Variants in UQCRFS1 observed in about 807,000 individuals in gnomAD.
UQCRFS1 encodes the protein cytochrome b-c1 complex subunit Rieske, mitochondrial.
UQCRFS1 carries 6 observed loss-of-function variants against 15.6 expected under a neutral mutation model. The ratio of observed to expected loss-of-function variants is 0.38; its 90% CI spans 0.21 to 0.76. UQCRFS1 has a LOEUF of 0.76. Among genes scored for constraint, UQCRFS1 ranks in the 30% least tolerant of loss-of-function variants. UQCRFS1 has a pLI of 0.44. For synonymous variants in UQCRFS1, 105 were observed against 154.3 expected (o/e 0.68, Z 2.37); for missense variants, 203 against 366.7 (o/e 0.55, Z 3.65).
intron 1 of UQCRFS1, 58 bp from the exon 2 acceptor site, chr19:29,208,216 T>C (rs1976612437): frequency 6.6e-7 from 1 of 1,523,996 alleles, no homozygotes. Context: ...GAAGGGAGTA[T>C]ATATCAGGAA....
In UQCRFS1 at chr19:29,207,271, T is replaced by C; in HGVS notation, c.*277A>G. ...TCAGTTACAGATTTCACAAGTATCT[T>C]GTACACCAGTCTGTAATTTTTAATT... On this transcript the variant is annotated 3_prime_UTR_variant, in exon 2 of 2. Transcript: ENST00000304863. 6.3e-6 allele frequency: 2 copies of C among 317,760 alleles called. No individual in the cohort carries two copies. The highest frequency in any genetic ancestry group is 1.2e-5 in the Non-Finnish European group (2 of 173,594). 19.7% of individuals were successfully genotyped at this position (317,760 alleles called of 1,614,324 possible). A position where few individuals can be genotyped will look rare whatever the true frequency, so the allele number is the denominator to read the frequency against.
chr19:29,207,342 A>G lies in UQCRFS1; in HGVS notation c.*206T>C, dbSNP rs1158672240. ...GTACCTTTCGCGTGTATGACTGAGC[A>G]TAACAGTGCTTAACAGTGTCTTTAT... On this transcript the variant is annotated 3_prime_UTR_variant, in exon 2 of 2. Transcript: ENST00000304863. 6.1e-6 allele frequency: 4 copies of G among 652,450 alleles called. No homozygotes were observed. The highest frequency in any genetic ancestry group is 1.0e-5 in the Non-Finnish European group (4 of 400,186). The allele number at this position is 652,450 out of a possible 1,614,324, so 40.4% of individuals were successfully genotyped here. A position where few individuals can be genotyped will look rare whatever the true frequency, so the allele number is the denominator to read the frequency against.
rs528931689 is a variant in UQCRFS1, at chr19:29,207,051, A to C, written c.*497T>G. 1 of 156,176 alleles carries C rather than the reference A, an allele frequency of 6.4e-6. No individual in the cohort carries two copies. Among genetic ancestry groups the C allele is most frequent in the East Asian group, 1.9e-4 (1 of 5,252 alleles). 9.7% of individuals were successfully genotyped at this position (156,176 alleles called of 1,614,324 possible). A position where few individuals can be genotyped will look rare whatever the true frequency, so the allele number is the denominator to read the frequency against. On this transcript the variant is annotated 3_prime_UTR_variant, in exon 2 of 2. Coordinates refer to ENST00000304863, the MANE Select transcript of UQCRFS1 (RefSeq NM_006003.3). ...TAGTGTTGAGATTATCACACGGCTT[A>C]CACAGTAGGGAGGAAATGCATAGCC... is the stretch of plus-strand genomic sequence containing the variant.
chr19:29,206,354 G>T lies in UQCRFS1; in HGVS notation c.*1194C>A, dbSNP rs1328099063. On this transcript the variant is annotated 3_prime_UTR_variant, in exon 2 of 2. Coordinates refer to ENST00000304863, the MANE Select transcript of UQCRFS1 (RefSeq NM_006003.3). ...AACATCAAAGGCTGGAATCCTGGAT[G>T]GTCAGTTCCCTTTGGGCAGACCCAA... The T allele has an allele frequency of 6.6e-6, 1 of 152,124 alleles. No homozygotes were observed. The highest frequency in any genetic ancestry group is 1.5e-5 in the Non-Finnish European group (1 of 68,034). 9.4% of individuals were successfully genotyped at this position (152,124 alleles called of 1,614,324 possible).
chr19:29,209,272 A>T (rs1333146259), intron 1 of UQCRFS1, among the ~76,000 whole-genome samples: 2 of 152,168 alleles, frequency 1.3e-5, no homozygotes, highest in Non-Finnish European at 2.9e-5. Context: ...TTTCCTTTTT[A>T]AAAAAGGGGA....
intron 1 of UQCRFS1, 149 bp downstream of exon 1, chr19:29,212,756 C>A (rs1599713136): frequency 2.4e-6 from 2 of 829,806 alleles, no homozygotes; most frequent in East Asian, 6.9e-5. Context: ...ACGCCCCGAG[C>A]CCGGGGGCCA....
intron 1 of UQCRFS1, among the ~76,000 whole-genome samples, chr19:29,212,688 G>A (rs569064048): frequency 2.6e-5 from 4 of 152,156 alleles, no homozygotes; most frequent in Non-Finnish European, 5.9e-5. Flanking sequence ...TCGTGAACTC[G>A]GCCGAGGAGG....
At chr19:29,208,183 A>G (rs1415407723) in intron 1 of UQCRFS1, 25 bp from the exon 2 acceptor site, 1 of 1,585,704 alleles carries the variant, frequency 6.3e-7, no homozygotes, top group South Asian at 1.2e-5. Flanking sequence ...GAAGGTTAAA[A>G]AACACAATTA....
intron 1 of UQCRFS1, among the ~76,000 whole-genome samples, 158 bp downstream of exon 1, chr19:29,212,747 C>T (rs1976671559): frequency 6.6e-6 from 1 of 152,194 alleles, no homozygotes; most frequent in Non-Finnish European, 1.5e-5. Flanking sequence ...ACCAGAAAGA[C>T]GCCCCGAGCC....
At chr19:29,212,338 T>G (rs965942278) in intron 1 of UQCRFS1, among the ~76,000 whole-genome samples, 1 of 152,120 alleles carries the variant, frequency 6.6e-6, no homozygotes, top group Admixed American at 6.5e-5. Context: ...GACGACTGAT[T>G]ATGTTGTGAC....
chr19:29,205,360 C>T lies in UQCRFS1; in HGVS notation c.*2188G>A, dbSNP rs1286555991. ...TTAGTACTGTGAGAATGAAGAATTA[C>T]TTCTGATATTTAAATAGTATGTTCC... On this transcript the variant is annotated 3_prime_UTR_variant, in exon 2 of 2. Coordinates refer to ENST00000304863, the MANE Select transcript of UQCRFS1 (RefSeq NM_006003.3). 1 of 152,140 alleles carries T rather than the reference C, an allele frequency of 6.6e-6. No individual in the cohort carries two copies. Among genetic ancestry groups the T allele is most frequent in the African/African-American group, 2.4e-5 (1 of 41,438 alleles). 9.4% of individuals were successfully genotyped at this position (152,140 alleles called of 1,614,324 possible).
rs1976677186 is a variant in UQCRFS1, at chr19:29,213,021, G to A, written c.98C>T (p.Thr33Met). 5 of 1,416,318 alleles carry A rather than the reference G, an allele frequency of 3.5e-6. No individual in the cohort carries two copies. In the East Asian group the frequency reaches 1.5e-4, roughly 42 times the overall value. 87.7% of individuals were successfully genotyped at this position (1,416,318 alleles called of 1,614,324 possible). A position where few individuals can be genotyped will look rare whatever the true frequency, so the allele number is the denominator to read the frequency against. Residue 33 changes from threonine to methionine, a missense_variant, in exon 1 of 2, where the codon ACG becomes ATG. Physicochemically the swap from Thr to Met is moderately conservative, Grantham distance 81. This residue lies in a region of UQCRFS1 where 20 missense variants were observed against 59.3 expected (regional missense o/e 0.34). Coordinates refer to ENST00000304863, the MANE Select transcript of UQCRFS1 (RefSeq NM_006003.3). ...AGALRPLVQA[T>M]VPATPEQPVL... ...AGGCTGCTCCGGGGTGGCGGGCACC[G>A]TGGCCTGCACCAAGGGCCGCAGCGC...
intron 1 of UQCRFS1, among the ~76,000 whole-genome samples, chr19:29,211,345 C>G (rs62109286): frequency 1.3e-5 from 2 of 152,180 alleles, no homozygotes; most frequent in East Asian, 3.8e-4. Flanking sequence ...TTTAGCAACA[C>G]GACGAATTCC....
In UQCRFS1 at chr19:29,212,899, G is replaced by A. The variant is rs549764216; in HGVS notation, c.214+6C>T. ...AGCCCTGCTCGCGGCCCTCGCCCCG[G>A]CTCACCATTGAGGCCCACGGAGGCG... On this transcript the variant is annotated splice_donor_region_variant and intron_variant, in intron 1 of 1. Transcript: ENST00000304863. 7.0e-7 allele frequency: 1 copy of A among 1,429,592 alleles called. No individual in the cohort carries two copies. Among genetic ancestry groups the A allele is most frequent in the Non-Finnish European group, 9.1e-7 (1 of 1,102,844 alleles). 88.6% of individuals were successfully genotyped at this position (1,429,592 alleles called of 1,614,324 possible).
Position 29,206,054 on chromosome 19 carries a change from T to C in UQCRFS1, c.*1494A>G, listed in dbSNP as rs1976590930. 1 of 152,110 alleles carries C rather than the reference T, an allele frequency of 6.6e-6. No homozygotes were observed. The highest frequency in any genetic ancestry group is 1.5e-5 in the Non-Finnish European group (1 of 68,024). 9.4% of individuals were successfully genotyped at this position (152,110 alleles called of 1,614,324 possible). The stretch of plus-strand genomic sequence containing the variant: ...TATAGGGAGGGGGTGCTGTTGACAT[T>C]TTTGGCAGCACAGGTTTTTTAGTGT... On this transcript the variant is annotated 3_prime_UTR_variant, in exon 2 of 2. Transcript: ENST00000304863.
At chr19:29,209,985 T>C (rs1372428206) in intron 1 of UQCRFS1, among the ~76,000 whole-genome samples, 2 of 152,084 alleles carry the variant, frequency 1.3e-5, no homozygotes, top group Non-Finnish European at 2.9e-5. Flanking sequence ...CAAAAATCAT[T>C]CTCCAAATAT....
Position 29,208,035 on chromosome 19 carries a change from A to T in UQCRFS1, c.338T>A (p.Phe113Tyr). ...AGTTACTCCAGTTACCAAATAGGAG[A>T]AACCTTTCCTAGCCTCGCTGCTTTC... ...SRESSEARKG[F>Y]SYLVTGVTTV... Residue 113 changes from phenylalanine to tyrosine, a missense_variant, in exon 2 of 2, where the codon TTC (phenylalanine) becomes TAC (tyrosine). By Grantham distance (22) the Phe-to-Tyr change is conservative. Around this residue, in one of 3 missense-constraint regions of UQCRFS1, gnomAD observed 92 missense variants for 120.5 expected, o/e 0.76. Transcript: ENST00000304863. The T allele has an allele frequency of 6.2e-7, 1 of 1,614,042 alleles. No individual in the cohort carries two copies. Among genetic ancestry groups the T allele is most frequent in the Non-Finnish European group, 8.5e-7 (1 of 1,179,888 alleles).
rs141991079 is a variant in UQCRFS1 at position 29,208,051 on chromosome 19, C to T, written c.322G>A (p.Glu108Lys). ...AAATAGGAGAAACCTTTCCTAGCCT[C>T]GCTGCTTTCTCTTGAAGACTTCGTA... Reference protein sequence around the residue: ...DSTKSSRESSEARKGFSYLVT... With the variant: ...DSTKSSRESSKARKGFSYLVT... Residue 108 changes from glutamate to lysine, a missense_variant, in exon 2 of 2, where the codon GAG (glutamate) becomes AAG (lysine). Around this residue, in one of 3 missense-constraint regions of UQCRFS1, gnomAD observed 92 missense variants for 120.5 expected, o/e 0.76. Transcript: ENST00000304863. 40 of 1,613,928 alleles carry T rather than the reference C, an allele frequency of 2.5e-5. No individual in the cohort carries two copies. In the African/African-American group the frequency reaches 3.6e-4, roughly 15 times the overall value.
intron 1 of UQCRFS1, 40 bp downstream of exon 1, chr19:29,212,865 G>A (rs2145209165): frequency 2.9e-6 from 4 of 1,384,258 alleles, no homozygotes; most frequent in Middle Eastern, 5.3e-4. Context: ...CGGGCACCGA[G>A]AGACCCCCAG....
Sources: allele counts gnomAD v4.1 joint callset (sites outside exome capture counted in the v4.1 genomes callset), GRCh38; gene constraint gnomAD v4.1.1; regional missense constraint gnomAD v4.1.1; transcripts MANE v1.5; gene names NCBI Gene and HGNC (gene_info 2026-07-23, HGNC 2026-07-21).